The following IGF2BP3 variants were observed in gnomAD, a reference collection of about 807,000 sequenced individuals.
IGF2BP3 encodes insulin-like growth factor 2 mRNA-binding protein 3.
In IGF2BP3, 9 loss-of-function variants were observed where a neutral mutation model predicts 73.8. That is an observed-to-expected ratio of 0.12 (90% confidence interval 0.07 to 0.21). IGF2BP3 has a LOEUF of 0.21. IGF2BP3 is among the 10% of genes least tolerant of loss of function. The pLI, the probability that IGF2BP3 is intolerant of heterozygous loss-of-function variation, is 1.00. For synonymous variants in IGF2BP3, 258 were observed against 256.7 expected (o/e 1.01, Z -0.05); for missense variants, 542 against 714.0 (o/e 0.76, Z 2.75).
chr7:23,447,618 T>C (rs1294807956), intron 2 of IGF2BP3, among the ~76,000 whole-genome samples: 1 of 151,764 alleles, frequency 6.6e-6, no homozygotes, highest in Non-Finnish European at 1.5e-5. Flanking sequence ...AGCAAGACTC[T>C]GTCTCAGAAA....
chr7:23,368,034 A>T (rs1297270851), intron 3 of IGF2BP3, among the ~76,000 whole-genome samples: 5 of 152,086 alleles, frequency 3.3e-5, no homozygotes, highest in Admixed American at 3.3e-4. Context: ...AACAAAGTTC[A>T]TTCAAATGTA....
chr7:23,319,870 T>C (rs1393567697), intron 10 of IGF2BP3, among the ~76,000 whole-genome samples: 4 of 152,180 alleles, frequency 2.6e-5, no homozygotes, highest in African/African-American at 7.2e-5. Context: ...TGCCCTAAGA[T>C]GCTTTCCCAC....
intron 3 of IGF2BP3, among the ~76,000 whole-genome samples, chr7:23,388,469 G>C (rs755145209): frequency 2.6e-5 from 4 of 152,080 alleles, no homozygotes; most frequent in Non-Finnish European, 4.4e-5. Flanking sequence ...AGCTAAAAAA[G>C]GGAGTTTACA....
chr7:23,470,019 C>A lies in IGF2BP3; in HGVS notation c.92G>T (p.Gly31Val), dbSNP rs1345641764. The change falls in exon 1 of 15, where the codon GGA becomes GTA. Residue 31 changes from glycine to valine, a missense_variant. By Grantham distance (109) the Gly-to-Val change is moderately radical. Around this residue, in one of 2 missense-constraint regions of IGF2BP3, gnomAD observed 239 missense variants for 241.9 expected, o/e 0.99. Transcript: ENST00000258729. ...GTAGCCAGTCTTCACCAGGAAGGGT[C>A]CCGACACCGGGATCTTGGCGTCCTT... is the stretch of plus-strand genomic sequence containing the variant. ...IFKDAKIPVS[G>V]PFLVKTGYAF... The A allele has an allele frequency of 1.2e-6, 2 of 1,612,938 alleles. No individual in the cohort carries two copies. The highest frequency in any genetic ancestry group is 3.3e-5 in the Admixed American group (2 of 60,004).
chr7:23,329,842 T>A (rs1784399032), intron 10 of IGF2BP3, among the ~76,000 whole-genome samples: 1 of 152,196 alleles, frequency 6.6e-6, no homozygotes, highest in African/African-American at 2.4e-5. Context: ...CATTTTAGAA[T>A]TGAAAAAACT....
In IGF2BP3 at chr7:23,341,260, TA is replaced by T. The variant is rs1300695348; in HGVS notation, c.1203+803del. Reference sequence around the variant, plus strand: ...ACAAAACTATCTTATCTCTTTGGTTTAAAAAAGTACACTCAACATGGAAAAC... The same window carrying T: ...ACAAAACTATCTTATCTCTTTGGTTTAAAAAGTACACTCAACATGGAAAAC... On this transcript the variant is annotated intron_variant, in intron 10 of 14. Transcript: ENST00000258729. Among the ~76,000 whole-genome samples the T allele has an allele frequency of 2.0e-5, 3 of 152,280 alleles. No individual in the cohort carries two copies. The East Asian group carries it at 5.8e-4, about 29-fold the overall frequency.
At chr7:23,372,071 A>C (rs1785565847) in intron 3 of IGF2BP3, among the ~76,000 whole-genome samples, 1 of 151,050 alleles carries the variant, frequency 6.6e-6, no homozygotes, top group African/African-American at 2.4e-5. Context: ...TACATGAATA[A>C]GTTTTTTTTT....
intron 10 of IGF2BP3, among the ~76,000 whole-genome samples, chr7:23,336,187 T>TA (rs59957630): frequency 0.1 from 14,929 of 147,898 alleles, 1,646 homozygotes; most frequent in African/African-American, 0.27. Flanking sequence ...TAGTATATAT[T>TA]AAAAAAAAAA....
chr7:23,310,345 G>C lies in IGF2BP3; in HGVS notation c.*2017C>G, dbSNP rs541593861. 1 of 152,162 alleles carries C rather than the reference G, an allele frequency of 6.6e-6. No individual in the cohort carries two copies. Among genetic ancestry groups the C allele is most frequent in the Non-Finnish European group, 1.5e-5 (1 of 68,030 alleles). The allele number at this position is 152,162 out of a possible 1,614,324, so 9.4% of individuals were successfully genotyped here. On this transcript the variant is annotated 3_prime_UTR_variant, in exon 15 of 15. Transcript: ENST00000258729. ...CAATTATAGAATTATTTCTTAGCTA[G>C]TACCAGATACTCCAAATTACAAATG...
chr7:23,450,254 G>C lies in IGF2BP3; in HGVS notation c.236+18228C>G, dbSNP rs551544679. Among the ~76,000 whole-genome samples the C allele has an allele frequency of 7.9e-5, 12 of 152,316 alleles. No homozygotes were observed. The South Asian group carries it at 2.5e-3, about 32-fold the overall frequency. On this transcript the variant is annotated intron_variant, in intron 2 of 14. Coordinates refer to ENST00000258729, the MANE Select transcript of IGF2BP3 (RefSeq NM_006547.3). Reference sequence around the variant, plus strand: ...AGCACTTCTGCTACCTATCCTGGTTGTCTGCACAAAAAGCACTGTGCAGTT... The same window carrying C: ...AGCACTTCTGCTACCTATCCTGGTTCTCTGCACAAAAAGCACTGTGCAGTT...
intron 3 of IGF2BP3, among the ~76,000 whole-genome samples, chr7:23,372,247 G>GT (rs1270461855): frequency 1.3e-5 from 2 of 151,960 alleles, no homozygotes; most frequent in Admixed American, 6.6e-5. Context: ...GCTGATTTTT[G>GT]TATTTTTAGT....
intron 10 of IGF2BP3, among the ~76,000 whole-genome samples, chr7:23,331,156 C>G (rs1002316803): frequency 1.3e-5 from 2 of 151,910 alleles, no homozygotes; most frequent in African/African-American, 4.9e-5. Flanking sequence ...TTCTTCCTTT[C>G]TTTAATAAAT....
At chr7:23,441,267 G>A (rs62468253) in intron 2 of IGF2BP3, among the ~76,000 whole-genome samples, 21,444 of 151,870 alleles carry the variant, frequency 0.14, 1,693 homozygotes, top group African/African-American at 0.2. Context: ...TCACATCTCT[G>A]CAAAAAATAA....
At position 23,377,108 on chromosome 7, in the gene IGF2BP3, T is replaced by A. The variant is rs74539467; in HGVS notation, c.286-15367A>T. Among the ~76,000 whole-genome samples the A allele has an allele frequency of 6.2e-3, 922 of 147,770 alleles. 15 individuals are homozygous for A. The highest frequency in any genetic ancestry group is 0.045 in the East Asian group (227 of 5,094). ...ATTACATAATGTTTATGACAAAATT[T>A]AAAAAAAAAACTGTGCTAAAAAGAA... On this transcript the variant is annotated intron_variant, in intron 3 of 14. Coordinates refer to ENST00000258729, the MANE Select transcript of IGF2BP3 (RefSeq NM_006547.3).
intron 2 of IGF2BP3, among the ~76,000 whole-genome samples, chr7:23,428,549 T>C (rs1394328153): frequency 6.7e-6 from 1 of 149,010 alleles, no homozygotes; most frequent in Non-Finnish European, 1.5e-5. Flanking sequence ...ATAATATATA[T>C]TTTTAAAAAT....
At chr7:23,415,797 C>A (rs1787173561) in intron 3 of IGF2BP3, among the ~76,000 whole-genome samples, 1 of 152,212 alleles carries the variant, frequency 6.6e-6, no homozygotes, top group Non-Finnish European at 1.5e-5. Flanking sequence ...CAGGCCGTGG[C>A]TGCTCCTTAC....
chr7:23,348,044 T>C (rs946804258), intron 6 of IGF2BP3, among the ~76,000 whole-genome samples: 1 of 152,244 alleles, frequency 6.6e-6, no homozygotes, highest in Non-Finnish European at 1.5e-5. Context: ...ACAAAGAGCC[T>C]GGATTCAATC....
At chr7:23,391,403 T>C (rs1288630990) in intron 3 of IGF2BP3, among the ~76,000 whole-genome samples, 1 of 152,156 alleles carries the variant, frequency 6.6e-6, no homozygotes, top group Non-Finnish European at 1.5e-5. Context: ...CCCGGCCTTG[T>C]CATTGCCTTT....
At chr7:23,375,473 A>T (rs560527064) in intron 3 of IGF2BP3, among the ~76,000 whole-genome samples, 1 of 152,204 alleles carries the variant, frequency 6.6e-6, no homozygotes, top group Non-Finnish European at 1.5e-5. Context: ...TTCGCCGCTA[A>T]AACAAAATGC....
Sources: gnomAD v4.1 joint callset for allele counts (sites outside exome capture counted in the v4.1 genomes callset) on GRCh38, gnomAD v4.1.1 for gene constraint, gnomAD v4.1.1 regional missense constraint, MANE v1.5 for transcripts, NCBI Gene and HGNC (gene_info 2026-07-23, HGNC 2026-07-21) for gene names.